The following RTTN variants were observed in gnomAD, a reference collection of about 807,000 sequenced individuals.
RTTN encodes the protein rotatin.
Under a neutral mutation model 269.2 loss-of-function variants are expected in RTTN, and 182 were observed. That is an observed-to-expected ratio of 0.68 (90% CI 0.60 to 0.76). The LOEUF (loss-of-function observed/expected upper bound fraction) is 0.76, where lower values mean the gene tolerates loss of function less well. RTTN is among the 30% of genes least tolerant of loss of function. RTTN has a pLI of 0.00. For synonymous variants in RTTN, 1,006 were observed against 963.5 expected, an observed-to-expected ratio of 1.04 and a Z score of -0.82; for missense variants, 2,545 against 2,608.6, an observed-to-expected ratio of 0.98 and a Z score of 0.53.
At position 70,197,708 on chromosome 18, in the gene RTTN, G is replaced by T; in HGVS notation, c.609C>A (p.Ile203=). 1.2e-6 allele frequency: 2 copies of T among 1,611,778 alleles called. No individual in the cohort carries two copies. Among genetic ancestry groups the T allele is most frequent in the South Asian group, 2.2e-5 (2 of 91,004 alleles). ...CCTTCAATAGTTCACAGGTGTTCCA[G>T]ATTAAAGTGTGGTTACTACTTCTTA... ...SSLRSSNHTL[I]WNTCELLKDV... Residue 203 remains isoleucine, a synonymous_variant, in exon 6 of 49, where the codon ATC becomes ATA. Transcript: ENST00000640769.
At chr18:70,040,443 T>C (rs2057307348) in intron 40 of RTTN, among the ~76,000 whole-genome samples, 1 of 152,184 alleles carries the variant, frequency 6.6e-6, no homozygotes, top group African/African-American at 2.4e-5. Flanking sequence ...AGTATATATG[T>C]ACCCATCACT....
At chr18:70,038,637 A>C (rs1317935452) in intron 40 of RTTN, among the ~76,000 whole-genome samples, 3 of 152,234 alleles carry the variant, frequency 2.0e-5, no homozygotes, top group Non-Finnish European at 4.4e-5. Flanking sequence ...CAAAGACTAA[A>C]ACAAATACCT....
At chr18:70,191,928 G>C (rs148343141) in intron 8 of RTTN, among the ~76,000 whole-genome samples, 286 of 152,234 alleles carry the variant, frequency 1.9e-3, no homozygotes, top group Middle Eastern at 0.017. Flanking sequence ...AGGCAGAAAG[G>C]CTTCAGGAGA....
chr18:70,193,035 T>C (rs2061715644), intron 8 of RTTN: 4 of 369,772 alleles, frequency 1.1e-5, no homozygotes. Context: ...TACACACACA[T>C]ATATATACAT....
chr18:70,017,155 G>A (rs1047896414), intron 46 of RTTN, among the ~76,000 whole-genome samples: 3 of 152,080 alleles, frequency 2.0e-5, no homozygotes, highest in African/African-American at 4.8e-5. Context: ...GGGAGCCCTC[G>A]TCCACGGCTC....
intron 27 of RTTN, among the ~76,000 whole-genome samples, chr18:70,112,713 C>G (rs999400411): frequency 6.6e-6 from 1 of 152,018 alleles, no homozygotes; most frequent in Admixed American, 6.6e-5. Context: ...CACACAATAA[C>G]AGTGGGAGAT....
intron 34 of RTTN, among the ~76,000 whole-genome samples, chr18:70,068,853 G>A (rs947525224): frequency 3.3e-5 from 5 of 151,816 alleles, no homozygotes; most frequent in South Asian, 2.1e-4. Context: ...ATAATCCCTC[G>A]GTAAGACAAA....
chr18:70,153,967 G>A (rs1029962355), intron 14 of RTTN, among the ~76,000 whole-genome samples: 6 of 152,042 alleles, frequency 3.9e-5, no homozygotes, highest in Non-Finnish European at 7.4e-5. Flanking sequence ...TTTCCAAATA[G>A]TTAACAAGAA....
chr18:70,173,068 T>C (rs1271178141), intron 11 of RTTN, among the ~76,000 whole-genome samples: 2 of 152,170 alleles, frequency 1.3e-5, no homozygotes. Flanking sequence ...GACTAGTGAA[T>C]ACAAGTTAAA....
intron 23 of RTTN, chr18:70,131,182 T>C (rs1246439082): frequency 6.8e-6 from 1 of 146,856 alleles, no homozygotes; most frequent in African/African-American, 2.5e-5. Context: ...TCATTGCTAA[T>C]ATAAGTGCAC....
intron 40 of RTTN, among the ~76,000 whole-genome samples, chr18:70,043,401 G>A (rs1009534801): frequency 1.3e-5 from 2 of 152,014 alleles, no homozygotes; most frequent in Non-Finnish European, 2.9e-5. Context: ...AATATTAGGA[G>A]AATGAGAAGG....
intron 28 of RTTN, among the ~76,000 whole-genome samples, chr18:70,093,302 T>C (rs980071111): frequency 6.6e-6 from 1 of 151,866 alleles, no homozygotes; most frequent in Non-Finnish European, 1.5e-5. Flanking sequence ...TAGTACACAG[T>C]TGTAACTTAG....
intron 26 of RTTN, among the ~76,000 whole-genome samples, chr18:70,120,911 C>A (rs1303420420): frequency 6.6e-6 from 1 of 151,906 alleles, no homozygotes; most frequent in South Asian, 2.1e-4. Flanking sequence ...ATTAGCTGGG[C>A]GTGGTGGCAG....
At chr18:70,202,014 C>T (rs777048609) in intron 3 of RTTN, 31 bp from the exon 4 acceptor site, 10 of 1,256,096 alleles carry the variant, frequency 8.0e-6, no homozygotes, top group South Asian at 5.0e-5. Context: ...ACTGTATTGT[C>T]GATTCCTTAT....
chr18:70,059,701 TG>T, intron 36 of RTTN, 148 bp downstream of exon 36: 1 of 479,910 alleles, frequency 2.1e-6, no homozygotes, highest in Non-Finnish European at 3.5e-6. Context: ...AAGACAATTC[TG>T]GCAAAAGCAA....
At chr18:70,139,304 T>C (rs187508858) in intron 21 of RTTN, among the ~76,000 whole-genome samples, 1 of 152,256 alleles carries the variant, frequency 6.6e-6, no homozygotes, top group Non-Finnish European at 1.5e-5. Context: ...CAGCTGCAAC[T>C]TTCTCTCTTT....
At chr18:70,035,409 C>T (rs897338665) in intron 40 of RTTN, among the ~76,000 whole-genome samples, 3 of 152,102 alleles carry the variant, frequency 2.0e-5, no homozygotes, top group African/African-American at 7.2e-5. Context: ...TAAGGGTGTA[C>T]ACCTAGAACC....
At chr18:70,084,439 G>A (rs2058650646) in intron 32 of RTTN, among the ~76,000 whole-genome samples, 1 of 151,786 alleles carries the variant, frequency 6.6e-6, no homozygotes, top group African/African-American at 2.4e-5. Flanking sequence ...CCTTTTTCAT[G>A]GTTGCAAAGG....
chr18:70,017,116 G>T (rs2056563720), intron 46 of RTTN, among the ~76,000 whole-genome samples: 1 of 152,094 alleles, frequency 6.6e-6, no homozygotes, highest in African/African-American at 2.4e-5. Context: ...AGAGCAAGGA[G>T]AGAGGAGAGG....
Sources: allele counts gnomAD v4.1 joint callset (sites outside exome capture counted in the v4.1 genomes callset), GRCh38; gene constraint gnomAD v4.1.1; transcripts MANE v1.5; gene names NCBI Gene and HGNC (gene_info 2026-07-23, HGNC 2026-07-21).